HMGCLL1: variants seen among roughly 807,000 people sequenced by gnomAD.
HMGCLL1 encodes 3-hydroxymethyl-3-methylglutaryl-CoA lyase, cytoplasmic.
Under a neutral mutation model 39.1 loss-of-function variants are expected in HMGCLL1, and 36 were observed. The ratio of observed to expected loss-of-function variants is 0.92; its 90% confidence interval spans 0.71 to 1.22. HMGCLL1 has a LOEUF of 1.22. Ranked by LOEUF, HMGCLL1 falls within the 50% of genes most tolerant of loss-of-function variation. The probability of loss-of-function intolerance (pLI) is 0.00; values close to 1 mark genes in which losing one functional copy is unlikely to be tolerated. For synonymous variants in HMGCLL1, 149 were observed against 144.0 expected, an observed-to-expected ratio of 1.03 and a Z score of -0.25; for missense variants, 451 against 416.5, an observed-to-expected ratio of 1.08 and a Z score of -0.72.
At chr6:55,557,559 G>C (rs138718605) in intron 1 of HMGCLL1, among the ~76,000 whole-genome samples, 1 of 152,138 alleles carries the variant, frequency 6.6e-6, no homozygotes, top group African/African-American at 2.4e-5. Flanking sequence ...CAGCTGATGA[G>C]GTTACTACCG....
Position 55,510,348 on chromosome 6 carries a change from T to C in HMGCLL1, c.542+3700A>G, listed in dbSNP as rs143232464. The stretch of plus-strand genomic sequence containing the variant: ...TATAAAGACACATGCACACGTATGT[T>C]TATTGCGGCACTATTCACAATAGCA... On this transcript the variant is annotated intron_variant, in intron 5 of 8. Transcript: ENST00000274901. 9.3e-3 allele frequency among the ~76,000 whole-genome samples: 1,420 copies of C among 151,884 alleles called. 21 individuals carry two copies. The highest frequency in any genetic ancestry group is 0.032 in the African/African-American group (1,345 of 41,442).
At chr6:55,602,766 C>T in the HMGCLL1 span, among the ~76,000 whole-genome samples, 3 of 151,950 alleles carry the variant, frequency 2.0e-5, no homozygotes, top group South Asian at 4.2e-4. Context: ...GTATTGAAAC[C>T]AATTGGAAAT....
intron 3 of HMGCLL1, among the ~76,000 whole-genome samples, chr6:55,540,463 C>G (rs537297964): frequency 6.6e-6 from 1 of 152,176 alleles, no homozygotes; most frequent in South Asian, 2.1e-4. Flanking sequence ...TGCTCCCTGT[C>G]TCTGCTCTCC....
chr6:55,532,244 T>C (rs1430807413), intron 3 of HMGCLL1, among the ~76,000 whole-genome samples: 1 of 152,220 alleles, frequency 6.6e-6, no homozygotes. Flanking sequence ...TCTTCGAGTA[T>C]AATACTTTTT....
In HMGCLL1 at chr6:55,579,056, G is replaced by A. The variant is rs762257732; in HGVS notation, c.-1C>T. On this transcript the variant is annotated 5_prime_UTR_variant, in exon 1 of 9. Transcript: ENST00000274901. Reference sequence around the variant, plus strand: ...TCACCGCGGATGGCACATTCCCCATGGCGGAGCCTGGGGCGGCAGTCGGCG... The same window carrying A: ...TCACCGCGGATGGCACATTCCCCATAGCGGAGCCTGGGGCGGCAGTCGGCG... 6 of 1,606,638 alleles carry A rather than the reference G, an allele frequency of 3.7e-6. No individual in the cohort carries two copies. The Admixed American group carries it at 1.0e-4, about 27-fold the overall frequency.
intron 7 of HMGCLL1, among the ~76,000 whole-genome samples, chr6:55,470,440 G>A (rs73447037): frequency 1.8e-4 from 28 of 151,886 alleles, no homozygotes; most frequent in African/African-American, 6.0e-4. Context: ...TTAGGAGTTA[G>A]CACAATGTTT....
chr6:55,543,202 T>TATATATC (rs1769631409), intron 1 of HMGCLL1, among the ~76,000 whole-genome samples: 1 of 14,668 alleles, frequency 6.8e-5, no homozygotes, highest in Non-Finnish European at 1.3e-4. Flanking sequence ...TATTATATAT[T>TATATATC]ATATATTATA....
At chr6:55,514,757 T>C (rs1048998804) in intron 4 of HMGCLL1, among the ~76,000 whole-genome samples, 2 of 152,184 alleles carry the variant, frequency 1.3e-5, no homozygotes, top group Non-Finnish European at 2.9e-5. Flanking sequence ...TTTGATCTTT[T>C]TGTCAGTCTT....
intron 3 of HMGCLL1, among the ~76,000 whole-genome samples, chr6:55,522,790 T>A (rs1335633882): frequency 6.6e-6 from 1 of 152,008 alleles, no homozygotes; most frequent in African/African-American, 2.4e-5. Flanking sequence ...AAGAGGAGAA[T>A]GTTTTGGGTG....
the HMGCLL1 span, among the ~76,000 whole-genome samples, chr6:55,664,285 G>C: frequency 6.6e-6 from 1 of 151,720 alleles, no homozygotes; most frequent in East Asian, 1.9e-4. Context: ...GTGTATTTAA[G>C]TATGTTTCTG....
chr6:55,472,213 G>A (rs1765078060), intron 7 of HMGCLL1, among the ~76,000 whole-genome samples: 1 of 151,574 alleles, frequency 6.6e-6, no homozygotes, highest in Non-Finnish European at 1.5e-5. Flanking sequence ...TTTACAGAGT[G>A]GTGGCACCAA....
chr6:55,550,451 C>T (rs946724517), intron 1 of HMGCLL1, among the ~76,000 whole-genome samples: 6 of 151,882 alleles, frequency 4.0e-5, no homozygotes, highest in Non-Finnish European at 8.8e-5. Context: ...GTTGTGAGTA[C>T]ATCATAGTTC....
intron 7 of HMGCLL1, among the ~76,000 whole-genome samples, chr6:55,485,393 C>T (rs1025977788): frequency 2.6e-5 from 4 of 151,942 alleles, no homozygotes; most frequent in Non-Finnish European, 4.4e-5. Context: ...TGCTTTTTAT[C>T]GTGGCTGTGT....
At chr6:55,439,190 T>G (rs1365720962) in intron 8 of HMGCLL1, among the ~76,000 whole-genome samples, 1 of 152,142 alleles carries the variant, frequency 6.6e-6, no homozygotes, top group East Asian at 1.9e-4. Flanking sequence ...GAAAAAGTTC[T>G]TTAGAGGTCA....
At chr6:55,499,035 A>C (rs571351072) in intron 6 of HMGCLL1, among the ~76,000 whole-genome samples, 219 of 152,244 alleles carry the variant, frequency 1.4e-3, no homozygotes, top group African/African-American at 5.1e-3. Flanking sequence ...CTGTCCCTTA[A>C]CGTTGAAAAG....
intron 3 of HMGCLL1, among the ~76,000 whole-genome samples, chr6:55,536,801 G>C (rs570081696): frequency 3.3e-5 from 5 of 152,092 alleles, no homozygotes; most frequent in Non-Finnish European, 7.4e-5. Context: ...AGCTGTTTGA[G>C]TTAGAAAGTC....
intron 1 of HMGCLL1, among the ~76,000 whole-genome samples, chr6:55,545,583 T>C (rs1232668548): frequency 3.3e-5 from 5 of 152,120 alleles, no homozygotes; most frequent in Admixed American, 3.3e-4. Context: ...GGGGCTGATA[T>C]ATGCCAACTT....
At chr6:55,650,114 TATATATATATATATATATATACACAC>T in the HMGCLL1 span, among the ~76,000 whole-genome samples, 1 of 78,698 alleles carries the variant, frequency 1.3e-5, no homozygotes, top group African/African-American at 5.9e-5. Context: ...TATATATATA[TATATATATATATATATATATACACAC>T]ACACACACAT....
chr6:55,539,322 A>C (rs1412385701), intron 3 of HMGCLL1, among the ~76,000 whole-genome samples: 1 of 152,184 alleles, frequency 6.6e-6, no homozygotes, highest in East Asian at 1.9e-4. Context: ...CATTTGACCC[A>C]TCAATCCCAT....
Sources: allele counts gnomAD v4.1 joint callset (sites outside exome capture counted in the v4.1 genomes callset), GRCh38; gene constraint gnomAD v4.1.1; transcripts MANE v1.5; gene names NCBI Gene and HGNC (gene_info 2026-07-23, HGNC 2026-07-21).